NRCAM: variants seen among roughly 807,000 people sequenced by gnomAD.
The protein encoded by NRCAM is NgCAM-related cell adhesion molecule.
In NRCAM, 83 loss-of-function variants were observed where a neutral mutation model predicts 156.5. That is an observed-to-expected ratio of 0.53 (90% CI 0.44 to 0.64). The LOEUF (loss-of-function observed/expected upper bound fraction) is 0.64. Among genes scored for constraint, NRCAM ranks in the 30% least tolerant of loss-of-function variants. The pLI is 0.00. For synonymous variants in NRCAM, 538 were observed against 563.9 expected, an observed-to-expected ratio of 0.95 and a Z score of 0.65; for missense variants, 1,417 against 1,597.3, an observed-to-expected ratio of 0.89 and a Z score of 1.92.
intron 2 of NRCAM, among the ~76,000 whole-genome samples, chr7:108,343,152 A>G (rs1292498453): frequency 6.6e-6 from 1 of 152,192 alleles, no homozygotes; most frequent in Admixed American, 6.5e-5. Flanking sequence ...GTGATAATGG[A>G]ATACTTGAAA....
At chr7:108,160,988 G>C (rs192743578) in intron 30 of NRCAM, among the ~76,000 whole-genome samples, 119 of 152,226 alleles carry the variant, frequency 7.8e-4, no homozygotes, top group African/African-American at 2.7e-3. Flanking sequence ...TTAGAAATCT[G>C]TTAAAAAAGA....
intron 32 of NRCAM, among the ~76,000 whole-genome samples, chr7:108,159,013 AGGGTATGG>A: frequency 6.6e-6 from 1 of 152,220 alleles, no homozygotes; most frequent in Non-Finnish European, 1.5e-5. Context: ...TTAAAGGGCA[AGGGTATGG>A]GTATTGTTTA....
chr7:108,225,506 C>A, intron 10 of NRCAM, 139 bp downstream of exon 10: 1 of 686,180 alleles, frequency 1.5e-6, no homozygotes, highest in Non-Finnish European at 2.6e-6. Flanking sequence ...TCATAAGAAA[C>A]ATACATTTAT....
intron 13 of NRCAM, among the ~76,000 whole-genome samples, chr7:108,207,051 G>A (rs918617726): frequency 6.6e-6 from 1 of 152,204 alleles, no homozygotes; most frequent in African/African-American, 2.4e-5. Context: ...GGAAGACAGT[G>A]AGAACACCTG....
intron 20 of NRCAM, among the ~76,000 whole-genome samples, chr7:108,188,379 C>CCGTG (rs923911893): frequency 2.0e-5 from 3 of 150,272 alleles, no homozygotes; most frequent in African/African-American, 7.3e-5. Flanking sequence ...TCTGAGTCCT[C>CCGTG]TGTGTGTGTG....
chr7:108,231,580 G>A (rs530820753), intron 7 of NRCAM, among the ~76,000 whole-genome samples: 52 of 152,216 alleles, frequency 3.4e-4, no homozygotes, highest in African/African-American at 1.2e-3. Context: ...GAATATACAC[G>A]ATATGTCAAT....
chr7:108,258,004 T>C (rs116027929), intron 3 of NRCAM, among the ~76,000 whole-genome samples: 3,489 of 152,200 alleles, frequency 0.023, 142 homozygotes, highest in African/African-American at 0.08. Context: ...TCTATCTTCC[T>C]AAGCAAAAAT....
At chr7:108,180,801 A>G (rs1312121183) in intron 24 of NRCAM, among the ~76,000 whole-genome samples, 1 of 152,196 alleles carries the variant, frequency 6.6e-6, no homozygotes, top group Non-Finnish European at 1.5e-5. Flanking sequence ...ATGTTTACAT[A>G]TTTTTCCAGA....
chr7:108,291,705 C>T (rs549907007), intron 3 of NRCAM, among the ~76,000 whole-genome samples: 12 of 151,856 alleles, frequency 7.9e-5, no homozygotes, highest in Admixed American at 1.3e-4. Flanking sequence ...AGAGACAGAG[C>T]GACAGAGAGA....
intron 11 of NRCAM, among the ~76,000 whole-genome samples, chr7:108,218,185 G>T (rs868052830): frequency 6.7e-6 from 1 of 149,864 alleles, no homozygotes; most frequent in Non-Finnish European, 1.5e-5. Flanking sequence ...GGGGGGGGGG[G>T]GAGTTCCCCG....
In NRCAM at chr7:108,443,881, T is replaced by TAGATAGATAGAC. The variant is rs1446670239; in HGVS notation, c.-332+12361_-332+12362insGTCTATCTATCT. On this transcript the variant is annotated intron_variant, in intron 1 of 32. Coordinates refer to ENST00000379028, the MANE Select transcript of NRCAM (RefSeq NM_001037132.4). ...CTTTGGTACACAAAGTATACAGATA[T>TAGATAGATAGAC]AGATAGATAGATACATACATACATA... Among the ~76,000 whole-genome samples the TAGATAGATAGAC allele has an allele frequency of 4.3e-5, 6 of 139,876 alleles. No homozygotes were observed. In the East Asian group the frequency reaches 9.7e-4, roughly 23 times the overall value. 91.8% of individuals were successfully genotyped at this position (139,876 alleles called of 152,430 possible). A position where few individuals can be genotyped will look rare whatever the true frequency, so the allele number is the denominator to read the frequency against.
intron 2 of NRCAM, among the ~76,000 whole-genome samples, chr7:108,324,638 G>C (rs140652047): frequency 2.0e-5 from 3 of 152,112 alleles, no homozygotes; most frequent in Admixed American, 1.3e-4. Flanking sequence ...CTGTCCAGTC[G>C]GGGGCTGGGT....
chr7:108,408,823 T>C (rs1791665421), intron 1 of NRCAM, among the ~76,000 whole-genome samples: 1 of 152,114 alleles, frequency 6.6e-6, no homozygotes, highest in Non-Finnish European at 1.5e-5. Context: ...GAGAAAGAAA[T>C]GGAGCCGACC....
At position 108,237,696 on chromosome 7, in the gene NRCAM, AG is replaced by A. The variant is rs2095201740; in HGVS notation, c.124+55del. 1.2e-5 allele frequency: 16 copies of A among 1,364,542 alleles called. No individual in the cohort carries two copies. In the South Asian group the frequency reaches 2.4e-4, roughly 20 times the overall value. The allele number at this position is 1,364,542 out of a possible 1,614,324, so 84.5% of individuals were successfully genotyped here. ...TTTAAATCACAATATTAATTCAAAA[AG>A]CAAAGACATGGTCACATTTTCACAC... is the stretch of plus-strand genomic sequence containing the variant. On this transcript the variant is annotated intron_variant, in intron 5 of 32. Coordinates refer to ENST00000379028, the MANE Select transcript of NRCAM (RefSeq NM_001037132.4).
chr7:108,245,127 T>A (rs2095821877), intron 3 of NRCAM, among the ~76,000 whole-genome samples: 1 of 152,066 alleles, frequency 6.6e-6, no homozygotes, highest in South Asian at 2.1e-4. Context: ...GAATTCAAGG[T>A]GTAGGATGGT....
chr7:108,155,828 C>T (rs1335304019), intron 32 of NRCAM, among the ~76,000 whole-genome samples: 1 of 151,964 alleles, frequency 6.6e-6, no homozygotes, highest in Non-Finnish European at 1.5e-5. Context: ...ACATTTCATT[C>T]CCTCAGTTTT....
intron 1 of NRCAM, among the ~76,000 whole-genome samples, chr7:108,454,696 G>A (rs1854440949): frequency 6.6e-6 from 1 of 152,200 alleles, no homozygotes; most frequent in Non-Finnish European, 1.5e-5. Context: ...TTTGTATTCA[G>A]AGGTTACTGT....
At position 108,149,499 on chromosome 7, in the gene NRCAM, G is replaced by C. The variant is rs567198222; in HGVS notation, c.*411C>G. ...CAGTAACATTCTTGACAATGAAAAC[G>C]GAATTCATATATAGGGGTTCAGCTG... On this transcript the variant is annotated 3_prime_UTR_variant, in exon 33 of 33. Transcript: ENST00000379028. 8 of 171,380 alleles carry C rather than the reference G, an allele frequency of 4.7e-5. No homozygotes were observed. Among genetic ancestry groups the C allele is most frequent in the Non-Finnish European group, 8.8e-5 (7 of 79,762 alleles). The allele number at this position is 171,380 out of a possible 1,614,324, so 10.6% of individuals were successfully genotyped here.
At chr7:108,236,149 G>C (rs1401132298) in intron 5 of NRCAM, among the ~76,000 whole-genome samples, 2 of 152,060 alleles carry the variant, frequency 1.3e-5, no homozygotes, top group African/African-American at 4.8e-5. Flanking sequence ...CTCTCTTGTG[G>C]TTAATTGTTG....
Sources: allele counts gnomAD v4.1 joint callset (sites outside exome capture counted in the v4.1 genomes callset), GRCh38; gene constraint gnomAD v4.1.1; transcripts MANE v1.5; gene names NCBI Gene and HGNC (gene_info 2026-07-23, HGNC 2026-07-21).